KCNK2: variants seen among roughly 807,000 people sequenced by gnomAD.
KCNK2 encodes potassium two pore domain channel subfamily K member 2, also known as potassium channel subfamily K member 2.
KCNK2 carries 21 observed loss-of-function variants against 40.5 expected under a neutral mutation model. The ratio of observed to expected loss-of-function variants is 0.52; its 90% CI spans 0.37 to 0.75. KCNK2 has a LOEUF of 0.75. KCNK2 is among the 30% of genes least tolerant of loss of function. KCNK2 has a pLI of 0.00. For missense variants in KCNK2, 399 were observed against 531.6 expected (o/e 0.75, Z 2.45); for synonymous variants, 191 against 202.2 (o/e 0.94, Z 0.47).
intron 6 of KCNK2, among the ~76,000 whole-genome samples, chr1:215,226,416 C>T (rs1326935600): frequency 2.6e-5 from 4 of 152,128 alleles, no homozygotes; most frequent in African/African-American, 9.7e-5. Context: ...ACCTCCGCCT[C>T]CCGGGTTCAA....
In KCNK2 at chr1:215,115,955, G is replaced by GT. The variant is rs35626781; in HGVS notation, c.358-8661dup. Among the ~76,000 whole-genome samples the GT allele has an allele frequency of 5.6e-3, 745 of 134,032 alleles. 3 individuals are homozygous for GT. Among genetic ancestry groups the GT allele is most frequent in the African/African-American group, 0.012 (452 of 36,192 alleles). The allele number at this position is 134,032 out of a possible 152,430, so 87.9% of individuals were successfully genotyped here. ...TAGAGTTGCACAGGGTCTTCATCATGTTTTTTTTTTTTTTTTTCTATACAC... is the reference window on the plus strand; with the variant it reads ...TAGAGTTGCACAGGGTCTTCATCATGTTTTTTTTTTTTTTTTTTCTATACAC... On this transcript the variant is annotated intron_variant, in intron 2 of 6. Coordinates refer to ENST00000444842, the MANE Select transcript of KCNK2 (RefSeq NM_001017425.3).
At chr1:215,210,260 G>T (rs932741620) in intron 6 of KCNK2, among the ~76,000 whole-genome samples, 6 of 150,948 alleles carry the variant, frequency 4.0e-5, no homozygotes, top group Non-Finnish European at 8.8e-5. Context: ...TTGAGAACCT[G>T]ATGAATGGAT....
chr1:215,164,180 C>A (rs1663335953), intron 3 of KCNK2, among the ~76,000 whole-genome samples: 1 of 152,176 alleles, frequency 6.6e-6, no homozygotes, highest in African/African-American at 2.4e-5. Context: ...TTATCTGTTT[C>A]TTCTAGATCT....
At chr1:215,038,305 G>T (rs768987898) in intron 1 of KCNK2, among the ~76,000 whole-genome samples, 9 of 151,876 alleles carry the variant, frequency 5.9e-5, no homozygotes, top group Non-Finnish European at 5.9e-5. Flanking sequence ...CTTTAGTCAG[G>T]TCCCACATGA....
chr1:215,146,299 G>A (rs185815356), intron 3 of KCNK2, among the ~76,000 whole-genome samples: 1 of 152,212 alleles, frequency 6.6e-6, no homozygotes, highest in Admixed American at 6.5e-5. Context: ...TTATATGAAT[G>A]TATCTTGCTA....
At chr1:215,154,481 A>G (rs1380319047) in intron 3 of KCNK2, among the ~76,000 whole-genome samples, 5 of 150,534 alleles carry the variant, frequency 3.3e-5, no homozygotes, top group Non-Finnish European at 5.9e-5. Flanking sequence ...TGGATATTAG[A>G]CCTTTGTCAG....
chr1:215,052,982 G>T (rs1658038906), intron 1 of KCNK2, among the ~76,000 whole-genome samples: 1 of 152,118 alleles, frequency 6.6e-6, no homozygotes, highest in South Asian at 2.1e-4. Flanking sequence ...GGATGCAGGA[G>T]ATGAGCAATA....
chr1:215,137,713 C>T (rs750111014), intron 3 of KCNK2, among the ~76,000 whole-genome samples: 2 of 152,276 alleles, frequency 1.3e-5, no homozygotes, highest in African/African-American at 2.4e-5. Flanking sequence ...AATAATTGCA[C>T]TTGCTATCTC....
At chr1:215,195,800 G>GT (rs1664839601) in intron 6 of KCNK2, among the ~76,000 whole-genome samples, 1 of 152,130 alleles carries the variant, frequency 6.6e-6, no homozygotes, top group South Asian at 2.1e-4. Context: ...TAGTTTGAAT[G>GT]TGACAGGGTA....
chr1:215,064,568 T>A (rs1289480851), intron 1 of KCNK2, among the ~76,000 whole-genome samples: 1 of 152,126 alleles, frequency 6.6e-6, no homozygotes, highest in Non-Finnish European at 1.5e-5. Context: ...GTTCAGTATT[T>A]TCCAGGGAGC....
intron 6 of KCNK2, among the ~76,000 whole-genome samples, chr1:215,204,033 G>A (rs1163362612): frequency 3.2e-5 from 2 of 61,916 alleles, no homozygotes; most frequent in Non-Finnish European, 5.1e-5. Context: ...GCGAGACTCC[G>A]TCTCAAAAAA....
chr1:215,130,526 C>G (rs1245545436), intron 3 of KCNK2, among the ~76,000 whole-genome samples: 1 of 152,164 alleles, frequency 6.6e-6, no homozygotes, highest in African/African-American at 2.4e-5. Context: ...GAAATGTGAG[C>G]AGCACAGCAT....
At chr1:215,048,471 T>C (rs1047361065) in intron 1 of KCNK2, among the ~76,000 whole-genome samples, 5 of 152,196 alleles carry the variant, frequency 3.3e-5, no homozygotes, top group African/African-American at 1.2e-4. Flanking sequence ...TGAATATATG[T>C]CTAACACCAG....
At chr1:215,181,515 A>G (rs1163856184) in intron 5 of KCNK2, among the ~76,000 whole-genome samples, 2 of 152,158 alleles carry the variant, frequency 1.3e-5, no homozygotes, top group African/African-American at 4.8e-5. Context: ...TTTTATATGA[A>G]TAGCATATTT....
chr1:215,226,303 G>A (rs1042297945), intron 6 of KCNK2, among the ~76,000 whole-genome samples: 14 of 151,998 alleles, frequency 9.2e-5, no homozygotes, highest in African/African-American at 3.1e-4. Context: ...TTTTTTGTTT[G>A]TTTGTCTTGT....
intron 1 of KCNK2, among the ~76,000 whole-genome samples, chr1:215,036,481 G>A (rs1388056923): frequency 1.9e-5 from 1 of 51,914 alleles, no homozygotes; most frequent in Non-Finnish European, 5.2e-5. Context: ...CTCCAATTTT[G>A]TTCTTTTTTT....
At position 215,041,517 on chromosome 1, in the gene KCNK2, C is replaced by T. The variant is rs115462547; in HGVS notation, c.34+35562C>T. ...TTTTTCCTAAAATGAGGTTGGGAAA[C>T]TTTCTGGGATTCATATTATCTCTAT... On this transcript the variant is annotated intron_variant, in intron 1 of 6. Coordinates refer to the KCNK2 transcript ENST00000391895. 4.0e-3 allele frequency among the ~76,000 whole-genome samples: 616 copies of T among 152,252 alleles called. 2 individuals are homozygous for T. The highest frequency in any genetic ancestry group is 0.014 in the African/African-American group (595 of 41,556).
intron 2 of KCNK2, among the ~76,000 whole-genome samples, chr1:215,087,240 A>G (rs1659485299): frequency 6.6e-6 from 1 of 152,252 alleles, no homozygotes; most frequent in African/African-American, 2.4e-5. Flanking sequence ...AAGCCAAGGT[A>G]TAACTTTGAT....
At chr1:215,213,720 A>C (rs11120519) in intron 6 of KCNK2, among the ~76,000 whole-genome samples, 79,540 of 151,982 alleles carry the variant, frequency 0.52, 21,961 homozygotes, top group East Asian at 0.68. Context: ...CTCATGAAAC[A>C]GTATTTCCTT....
Sources: gnomAD v4.1 joint callset for allele counts (sites outside exome capture counted in the v4.1 genomes callset) on GRCh38, gnomAD v4.1.1 for gene constraint, MANE v1.5 for transcripts, NCBI Gene and HGNC (gene_info 2026-07-23, HGNC 2026-07-21) for gene names.